The following EPM2A variants were observed in gnomAD, a reference collection of about 807,000 sequenced individuals.
The protein encoded by EPM2A is laforin.
In EPM2A, 21 loss-of-function variants were observed where a neutral mutation model predicts 26.5. That is an observed-to-expected ratio of 0.79 (90% CI 0.56 to 1.14). The LOEUF (loss-of-function observed/expected upper bound fraction) is 1.14, where lower values mean the gene tolerates loss of function less well. EPM2A is among the 50% of genes most tolerant of loss of function. The pLI is 0.00. For missense variants in EPM2A, 458 were observed against 440.8 expected, an observed-to-expected ratio of 1.04 and a Z score of -0.35; for synonymous variants, 217 against 177.6, an observed-to-expected ratio of 1.22 and a Z score of -1.76.
intron 4 of EPM2A, chr6:145,489,751 C>T: frequency 6.9e-7 from 1 of 1,455,196 alleles, no homozygotes; most frequent in South Asian, 1.1e-5. Flanking sequence ...GCCTCAGCAG[C>T]ATCTGCTTGG....
intron 4 of EPM2A, chr6:145,491,721 T>C (rs1779758157): frequency 4.1e-6 from 2 of 493,054 alleles, no homozygotes; most frequent in African/African-American, 2.0e-5. Context: ...TTGCCCAGAA[T>C]TTCCCTGCCT....
chr6:145,589,489 G>A (rs2128547490), intron 2 of EPM2A, among the ~76,000 whole-genome samples: 1 of 152,234 alleles, frequency 6.6e-6, no homozygotes, highest in Middle Eastern at 3.4e-3. Context: ...GACATGGTGT[G>A]CAGTGTGTCA....
chr6:145,698,332 A>C (rs1781729989), intron 1 of EPM2A, among the ~76,000 whole-genome samples: 1 of 152,188 alleles, frequency 6.6e-6, no homozygotes, highest in Admixed American at 6.5e-5. Context: ...TAGCCCTCTC[A>C]AAGGTAAGCT....
At chr6:145,567,499 C>G (rs533732937) in intron 2 of EPM2A, among the ~76,000 whole-genome samples, 26 of 152,298 alleles carry the variant, frequency 1.7e-4, no homozygotes, top group South Asian at 8.3e-4. Context: ...AGGCTAAAAG[C>G]AATTTGGCAG....
chr6:145,543,426 C>T (rs528781580), intron 2 of EPM2A, among the ~76,000 whole-genome samples: 1 of 152,126 alleles, frequency 6.6e-6, no homozygotes, highest in African/African-American at 2.4e-5. Context: ...TGATGGAAGT[C>T]ACCCAAAAAA....
intron 2 of EPM2A, among the ~76,000 whole-genome samples, chr6:145,612,450 T>A (rs1418131611): frequency 2.0e-5 from 3 of 152,092 alleles, no homozygotes; most frequent in Non-Finnish European, 4.4e-5. Flanking sequence ...ATTATCTTTT[T>A]TATTTGCTCA....
At chr6:145,543,205 G>A (rs1780538595) in intron 2 of EPM2A, among the ~76,000 whole-genome samples, 1 of 151,938 alleles carries the variant, frequency 6.6e-6, no homozygotes, top group African/African-American at 2.4e-5. Flanking sequence ...AGAAGCAAAG[G>A]ATGCTCTTTT....
Position 145,410,506 on chromosome 6 carries a change from T to C in EPM2A, c.556-26409A>G, listed in dbSNP as rs1048048638. ...TAAAATAAGGACATCTTTGGAGTTA[T>C]TTAAATTTGAAGGGATAAAGACCTA... On this transcript the variant is annotated intron_variant, in intron 4 of 4. Transcript: ENST00000638717. 5.3e-5 allele frequency among the ~76,000 whole-genome samples: 8 copies of C among 152,316 alleles called. No homozygotes were observed. In the South Asian group the frequency reaches 6.2e-4, roughly 12 times the overall value.
At chr6:145,471,764 C>A (rs1405608195) in intron 4 of EPM2A, among the ~76,000 whole-genome samples, 2 of 152,104 alleles carry the variant, frequency 1.3e-5, no homozygotes, top group Non-Finnish European at 2.9e-5. Context: ...TGCCCACAAA[C>A]CTCACCACCT....
intron 2 of EPM2A, among the ~76,000 whole-genome samples, chr6:145,564,721 C>T (rs1005104178): frequency 1.1e-4 from 16 of 148,884 alleles, no homozygotes; most frequent in Non-Finnish European, 2.4e-4. Context: ...TAATTTAACT[C>T]ACATGCAGAT....
chr6:145,528,531 G>A (rs1460975385), intron 2 of EPM2A, among the ~76,000 whole-genome samples: 1 of 152,136 alleles, frequency 6.6e-6, no homozygotes, highest in African/African-American at 2.4e-5. Flanking sequence ...AAGCTTGACT[G>A]ACAGCACATC....
Position 145,675,982 on chromosome 6 carries a change from C to T in EPM2A, c.476+10140G>A, listed in dbSNP as rs377404649. On this transcript the variant is annotated intron_variant, in intron 2 of 3. Coordinates refer to ENST00000367519, the MANE Select transcript of EPM2A (RefSeq NM_005670.4). ...ACCCAAAATCAACAGAATATACATTCTTCTCAGCACCATATCGCACTTAAA... is the reference window on the plus strand; with the variant it reads ...ACCCAAAATCAACAGAATATACATTTTTCTCAGCACCATATCGCACTTAAA... 1.9e-4 allele frequency among the ~76,000 whole-genome samples: 29 copies of T among 152,276 alleles called. No homozygotes were observed. The East Asian group carries it at 3.7e-3, about 19-fold the overall frequency.
chr6:145,436,495 C>A (rs534322378), intron 4 of EPM2A, among the ~76,000 whole-genome samples: 1 of 152,318 alleles, frequency 6.6e-6, no homozygotes, highest in South Asian at 2.1e-4. Flanking sequence ...CACCTCCTCA[C>A]CCACATTTGC....
At chr6:145,473,256 T>C (rs1341960554) in intron 4 of EPM2A, among the ~76,000 whole-genome samples, 1 of 151,592 alleles carries the variant, frequency 6.6e-6, no homozygotes, top group East Asian at 1.9e-4. Context: ...AAAAATGCCA[T>C]TGGCATACTG....
rs1562355499 is a variant in EPM2A, at chr6:145,489,586, CA to C, written c.555+12935del. On this transcript the variant is annotated intron_variant, in intron 4 of 4. Transcript: ENST00000638717. Reference sequence around the variant, plus strand: ...ACAGTCATACTGCCCATAATCCGTTCAAAAACCCAACAAGTAAATTTAAAAA... The same window carrying C: ...ACAGTCATACTGCCCATAATCCGTTCAAAACCCAACAAGTAAATTTAAAAA... 5.8e-5 allele frequency: 60 copies of C among 1,030,256 alleles called. No homozygotes were observed. The South Asian group carries it at 9.3e-4, about 16-fold the overall frequency. The allele number at this position is 1,030,256 out of a possible 1,614,324, so 63.8% of individuals were successfully genotyped here.
chr6:145,485,136 G>T (rs1329131275), intron 4 of EPM2A, among the ~76,000 whole-genome samples: 2 of 151,674 alleles, frequency 1.3e-5, no homozygotes, highest in Non-Finnish European at 2.9e-5. Context: ...TATAGCCTGA[G>T]AATGGAAAGT....
intron 2 of EPM2A, among the ~76,000 whole-genome samples, chr6:145,567,285 C>A (rs943692822): frequency 2.0e-5 from 3 of 152,168 alleles, no homozygotes; most frequent in Admixed American, 2.0e-4. Flanking sequence ...CTCTAGGTCA[C>A]TTTCAAATGC....
intron 2 of EPM2A, among the ~76,000 whole-genome samples, chr6:145,647,700 AAAGGGG>A (rs201085299): frequency 0.023 from 3,482 of 151,930 alleles, 63 homozygotes; most frequent in Middle Eastern, 0.051. Flanking sequence ...AGGGAAAGGG[AAAGGGG>A]AAGGGGAAGG....
intron 2 of EPM2A, among the ~76,000 whole-genome samples, chr6:145,533,363 A>G (rs922071778): frequency 1.3e-5 from 2 of 151,756 alleles, no homozygotes; most frequent in Non-Finnish European, 2.9e-5. Context: ...GTTTTGCCCC[A>G]CTCTTCTCTA....
Sources: gnomAD v4.1 joint callset for allele counts (sites outside exome capture counted in the v4.1 genomes callset) on GRCh38, gnomAD v4.1.1 for gene constraint, MANE v1.5 for transcripts, NCBI Gene and HGNC (gene_info 2026-07-23, HGNC 2026-07-21) for gene names.